ETS1: variants seen among roughly 807,000 people sequenced by gnomAD.
The protein encoded by ETS1 is ETS proto-oncogene 1, transcription factor.
In ETS1, 15 loss-of-function variants were observed where a neutral mutation model predicts 58.6. The observed-to-expected ratio is 0.26, with a 90% CI of 0.17 to 0.39. The LOEUF is 0.39. Ranked by LOEUF, ETS1 falls within the 10% of genes least tolerant of loss-of-function variation. The pLI is 1.00. For missense variants in ETS1, 417 were observed against 610.5 expected (o/e 0.68, Z 3.34); for synonymous variants, 214 against 218.2 (o/e 0.98, Z 0.17).
chr11:128,556,465 T>A (rs1166560824), intron 2 of ETS1, 30 bp from the exon 3 acceptor site: 18 of 1,504,992 alleles, frequency 1.2e-5, no homozygotes, highest in Non-Finnish European at 1.6e-5. Flanking sequence ...AGAAAATATA[T>A]TAGGAGGAAA....
intron 3 of ETS1, among the ~76,000 whole-genome samples, chr11:128,527,827 T>C (rs184082512): frequency 6.6e-6 from 1 of 152,310 alleles, no homozygotes; most frequent in East Asian, 1.9e-4. Flanking sequence ...AACATCAAAC[T>C]TCAAAACAGA....
chr11:128,500,523 G>A (rs899229781), intron 3 of ETS1, among the ~76,000 whole-genome samples: 6 of 152,010 alleles, frequency 3.9e-5, no homozygotes, highest in African/African-American at 1.2e-4. Flanking sequence ...ACATGTCTCG[G>A]TGCTACAGAA....
intron 2 of ETS1, among the ~76,000 whole-genome samples, chr11:128,567,822 C>T (rs568994570): frequency 2.0e-5 from 3 of 152,098 alleles, no homozygotes; most frequent in South Asian, 2.1e-4. Context: ...TTAGTAGAGA[C>T]GGGGTTTTAT....
intron 1 of ETS1, among the ~76,000 whole-genome samples, chr11:128,585,331 G>GGAA (rs1555093275): frequency 6.6e-5 from 8 of 121,354 alleles, no homozygotes; most frequent in South Asian, 3.2e-4. Context: ...AAGGAAGGAA[G>GGAA]CAAGGAAGGA....
chr11:128,498,407 G>C (rs778908559), intron 3 of ETS1, among the ~76,000 whole-genome samples: 1 of 152,114 alleles, frequency 6.6e-6, no homozygotes, highest in Non-Finnish European at 1.5e-5. Context: ...CCCTGAAACT[G>C]GCATTTTTTT....
chr11:128,496,201 T>C (rs1204047580), intron 3 of ETS1, among the ~76,000 whole-genome samples: 2 of 152,108 alleles, frequency 1.3e-5, no homozygotes, highest in East Asian at 1.9e-4. Context: ...CTATATTTCA[T>C]GCATTGGCCC....
chr11:128,554,304 T>C (rs1032164421), intron 3 of ETS1, among the ~76,000 whole-genome samples: 56 of 152,328 alleles, frequency 3.7e-4, no homozygotes, highest in African/African-American at 1.3e-3. Flanking sequence ...GTACCATCTC[T>C]GAGCTGCAGT....
In ETS1 at chr11:128,462,303, A is replaced by G; in HGVS notation, c.*58T>C. ...ATAACAATTCAAAATTCAGAGTCCA[A>G]CCAACACGGCTGTCCTTGGAAGGTC... On this transcript the variant is annotated 3_prime_UTR_variant, in exon 10 of 10. Transcript: ENST00000392668. 1 of 1,360,280 alleles carries G rather than the reference A, an allele frequency of 7.4e-7. No individual in the cohort carries two copies. The highest frequency in any genetic ancestry group is 1.0e-6 in the Non-Finnish European group (1 of 962,284). 84.3% of individuals were successfully genotyped at this position (1,360,280 alleles called of 1,614,324 possible). A position where few individuals can be genotyped will look rare whatever the true frequency, so the allele number is the denominator to read the frequency against.
Position 128,462,568 on chromosome 11 carries a change from C to A in ETS1, c.1251G>T (p.Arg417Ser). 1.2e-6 allele frequency: 2 copies of A among 1,613,352 alleles called. No individual in the cohort carries two copies. The highest frequency in any genetic ancestry group is 1.7e-6 in the Non-Finnish European group (2 of 1,179,428). ...FKLSDPDEVA[R>S]RWGKRKNKPK... ...GTTTGTTTTTCCTCTTTCCCCATCT[C>A]CTGGCCACCTGAAATTTAAAAAGAA... The change falls in exon 10 of 10, where the codon AGG (arginine) becomes AGT (serine). Residue 417 changes from arginine to serine, a missense_variant. Coordinates refer to ENST00000392668, the MANE Select transcript of ETS1 (RefSeq NM_001143820.2).
At chr11:128,575,687 CCAA>C (rs1864731481) in intron 1 of ETS1, among the ~76,000 whole-genome samples, 1 of 152,088 alleles carries the variant, frequency 6.6e-6, no homozygotes, top group Admixed American at 6.5e-5. Context: ...AAGTAGTTGG[CCAA>C]CAATATGGAA....
At chr11:128,523,349 TAG>T (rs1234762730) in intron 3 of ETS1, among the ~76,000 whole-genome samples, 1 of 152,236 alleles carries the variant, frequency 6.6e-6, no homozygotes, top group Non-Finnish European at 1.5e-5. Context: ...TTGGTTGTAA[TAG>T]AGATAGTTTG....
intron 1 of ETS1, among the ~76,000 whole-genome samples, chr11:128,585,945 C>T (rs1006130440): frequency 6.6e-6 from 1 of 152,218 alleles, no homozygotes; most frequent in Non-Finnish European, 1.5e-5. Flanking sequence ...CAAGTCGGTG[C>T]TCTGGCCACA....
At chr11:128,560,365 G>A (rs747144280) in intron 2 of ETS1, among the ~76,000 whole-genome samples, 19 of 152,188 alleles carry the variant, frequency 1.2e-4, no homozygotes, top group South Asian at 8.3e-4. Context: ...AGCCTGCCTC[G>A]GCCTCCCAAA....
At chr11:128,472,215 C>T (rs185600158) in intron 8 of ETS1, among the ~76,000 whole-genome samples, 4 of 152,298 alleles carry the variant, frequency 2.6e-5, no homozygotes, top group East Asian at 3.9e-4. Context: ...TAAGAAACTC[C>T]ACCGCCTCAG....
intron 1 of ETS1, among the ~76,000 whole-genome samples, chr11:128,573,960 T>C (rs573729862): frequency 1.3e-5 from 2 of 152,236 alleles, no homozygotes; most frequent in African/African-American, 2.4e-5. Flanking sequence ...ATTCTTATTG[T>C]TAGGAAGTGA....
chr11:128,574,731 G>C (rs1317523852), intron 1 of ETS1, among the ~76,000 whole-genome samples: 1 of 152,156 alleles, frequency 6.6e-6, no homozygotes, highest in African/African-American at 2.4e-5. Context: ...CCACCAAAGT[G>C]TTCCTCGTTT....
chr11:128,507,673 G>A (rs1863279389), intron 3 of ETS1, among the ~76,000 whole-genome samples: 1 of 152,226 alleles, frequency 6.6e-6, no homozygotes. Context: ...TCTGGGGACA[G>A]GAGGGACATC....
chr11:128,502,023 GAGAA>G (rs1863103693), intron 3 of ETS1, among the ~76,000 whole-genome samples: 3 of 152,182 alleles, frequency 2.0e-5, no homozygotes, highest in Non-Finnish European at 4.4e-5. Flanking sequence ...GAGAGAGAGA[GAGAA>G]AGAGAGCTGC....
At chr11:128,565,640 TG>T (rs1417208962) in intron 2 of ETS1, among the ~76,000 whole-genome samples, 1 of 152,232 alleles carries the variant, frequency 6.6e-6, no homozygotes, top group African/African-American at 2.4e-5. Flanking sequence ...TCCAAGATGC[TG>T]GAAAAATATA....
Sources: gnomAD v4.1 joint callset for allele counts (sites outside exome capture counted in the v4.1 genomes callset) on GRCh38, gnomAD v4.1.1 for gene constraint, MANE v1.5 for transcripts, NCBI Gene and HGNC (gene_info 2026-07-23, HGNC 2026-07-21) for gene names.